The following BRMS1L variants were observed in gnomAD, a reference collection of about 807,000 sequenced individuals.
BRMS1L encodes the protein breast cancer metastasis-suppressor 1-like protein.
In BRMS1L, 23 loss-of-function variants were observed where a neutral mutation model predicts 50.3. The observed-to-expected ratio is 0.46, with a 90% CI of 0.33 to 0.65. The LOEUF (loss-of-function observed/expected upper bound fraction) is 0.65. Among genes scored for constraint, BRMS1L ranks in the 30% least tolerant of loss-of-function variants. BRMS1L has a pLI of 0.02. For missense variants in BRMS1L, 286 were observed against 386.1 expected, an observed-to-expected ratio of 0.74 and a Z score of 2.17; for synonymous variants, 114 against 126.9, an observed-to-expected ratio of 0.90 and a Z score of 0.69.
intron 4 of BRMS1L, among the ~76,000 whole-genome samples, chr14:35,851,937 C>T (rs141536706): frequency 1.6e-4 from 24 of 152,276 alleles, no homozygotes; most frequent in Admixed American, 6.5e-4. Context: ...TGTTGAAGAT[C>T]GCTTGACTAT....
At chr14:35,838,681 A>G (rs2078023802) in intron 4 of BRMS1L, among the ~76,000 whole-genome samples, 1 of 152,114 alleles carries the variant, frequency 6.6e-6, no homozygotes, top group Non-Finnish European at 1.5e-5. Context: ...TCTTTTGAGA[A>G]GTGTCTGTTC....
chr14:35,837,308 T>G (rs1265490749), intron 4 of BRMS1L, among the ~76,000 whole-genome samples: 1 of 152,116 alleles, frequency 6.6e-6, no homozygotes, highest in African/African-American at 2.4e-5. Context: ...TGTATATGGA[T>G]AGGTAATGTC....
At chr14:35,852,341 G>A (rs2078222040) in intron 4 of BRMS1L, among the ~76,000 whole-genome samples, 1 of 152,162 alleles carries the variant, frequency 6.6e-6, no homozygotes, top group Non-Finnish European at 1.5e-5. Flanking sequence ...AAGTATAATA[G>A]TTGGAATTAC....
intron 1 of BRMS1L, among the ~76,000 whole-genome samples, chr14:35,828,829 C>T (rs190092174): frequency 2.2e-4 from 33 of 152,282 alleles, no homozygotes; most frequent in Non-Finnish European, 4.0e-4. Flanking sequence ...GACATTGGAA[C>T]CTGCCCGATA....
At chr14:35,851,383 CAAAA>C (rs35957897) in intron 4 of BRMS1L, among the ~76,000 whole-genome samples, 5 of 83,960 alleles carry the variant, frequency 6.0e-5, no homozygotes, top group Non-Finnish European at 1.3e-4. Flanking sequence ...AAAAGCATGC[CAAAA>C]AAAAAAAAAG....
intron 6 of BRMS1L, 100 bp from the exon 7 acceptor site, chr14:35,864,835 A>G: frequency 5.9e-6 from 5 of 853,548 alleles, no homozygotes; most frequent in Non-Finnish European, 5.6e-6. Context: ...CCAAAGCATT[A>G]TGCTCATAAA....
chr14:35,847,362 G>A (rs1454566915), intron 4 of BRMS1L, among the ~76,000 whole-genome samples: 1 of 152,020 alleles, frequency 6.6e-6, no homozygotes, highest in Non-Finnish European at 1.5e-5. Context: ...GAGTGCAGTG[G>A]CATGACCTAG....
At chr14:35,865,149 AG>A (rs1248955572) in intron 7 of BRMS1L, 150 bp downstream of exon 7, 19 of 520,834 alleles carry the variant, frequency 3.6e-5, no homozygotes, top group Admixed American at 2.4e-4. Flanking sequence ...TATTACAGAT[AG>A]CAGTGAACTA....
intron 4 of BRMS1L, among the ~76,000 whole-genome samples, chr14:35,851,940 T>C (rs1595670373): frequency 6.6e-6 from 1 of 152,266 alleles, no homozygotes; most frequent in Non-Finnish European, 1.5e-5. Flanking sequence ...TGAAGATCGC[T>C]TGACTATACA....
At chr14:35,840,555 T>G (rs1250271857) in intron 4 of BRMS1L, among the ~76,000 whole-genome samples, 2 of 152,244 alleles carry the variant, frequency 1.3e-5, no homozygotes, top group Admixed American at 1.3e-4. Flanking sequence ...GAACTTGTTA[T>G]TGGTCTATTC....
chr14:35,829,221 C>T (rs1028852484), intron 1 of BRMS1L, among the ~76,000 whole-genome samples: 1 of 152,104 alleles, frequency 6.6e-6, no homozygotes, highest in African/African-American at 2.4e-5. Context: ...GGATTACAGG[C>T]GGGAGCCACT....
intron 4 of BRMS1L, among the ~76,000 whole-genome samples, chr14:35,841,789 C>T (rs2078067307): frequency 6.6e-6 from 1 of 152,128 alleles, no homozygotes; most frequent in Non-Finnish European, 1.5e-5. Flanking sequence ...TAAAGTCTCT[C>T]ACTATTACTG....
rs1027669274 is a variant in BRMS1L, at chr14:35,871,379, C to T, written c.*902C>T. 2 of 152,594 alleles carry T rather than the reference C, an allele frequency of 1.3e-5. No homozygotes were observed. The highest frequency in any genetic ancestry group is 6.5e-5 in the Admixed American group (1 of 15,268). The allele number at this position is 152,594 out of a possible 1,614,324, so 9.5% of individuals were successfully genotyped here. A position where few individuals can be genotyped will look rare whatever the true frequency, so the allele number is the denominator to read the frequency against. ...AGGGCAAAGTAGACAGGGATTATTTCCTTGAATCTATTTCCAAATTAATAT... is the reference window on the plus strand; with the variant it reads ...AGGGCAAAGTAGACAGGGATTATTTTCTTGAATCTATTTCCAAATTAATAT... On this transcript the variant is annotated 3_prime_UTR_variant, in exon 10 of 10. Transcript: ENST00000216807.
chr14:35,830,980 A>C (rs1204682185), intron 1 of BRMS1L, among the ~76,000 whole-genome samples: 2 of 142,842 alleles, frequency 1.4e-5, no homozygotes, highest in Admixed American at 1.5e-4. Flanking sequence ...TCACTCTGTC[A>C]CCCAGGGTGG....
At chr14:35,828,349 T>A (rs1027545099) in intron 1 of BRMS1L, among the ~76,000 whole-genome samples, 1 of 150,982 alleles carries the variant, frequency 6.6e-6, no homozygotes, top group Non-Finnish European at 1.5e-5. Context: ...ATTTTTTGTA[T>A]TTTTAGTAGA....
rs527454270 is a variant in BRMS1L, at chr14:35,840,780, T to C, written c.441+5857T>C. 3.6e-3 allele frequency among the ~76,000 whole-genome samples: 539 copies of C among 151,616 alleles called. 3 individuals carry two copies. Among genetic ancestry groups the C allele is most frequent in the Non-Finnish European group, 6.6e-3 (445 of 67,650 alleles). ...TTTTCTTCTTTATTAGTCTGGCTAG[T>C]GGTCTATCTAAAACCAGCTCCTGGA... On this transcript the variant is annotated intron_variant, in intron 4 of 9. Coordinates refer to ENST00000216807, the MANE Select transcript of BRMS1L (RefSeq NM_032352.4).
chr14:35,835,089 A>G (rs1271412404), intron 4 of BRMS1L, among the ~76,000 whole-genome samples, 166 bp downstream of exon 4: 2 of 152,044 alleles, frequency 1.3e-5, no homozygotes, highest in African/African-American at 2.4e-5. Flanking sequence ...TGGAAGCTGT[A>G]TTGGAGATAG....
chr14:35,857,587 C>G (rs1460349178), intron 4 of BRMS1L, among the ~76,000 whole-genome samples: 14 of 152,130 alleles, frequency 9.2e-5, no homozygotes, highest in Admixed American at 3.3e-4. Context: ...TCCCAAAGTG[C>G]TGGAATTATA....
At chr14:35,847,048 C>T (rs2142048946) in intron 4 of BRMS1L, among the ~76,000 whole-genome samples, 1 of 151,668 alleles carries the variant, frequency 6.6e-6, no homozygotes, top group South Asian at 2.1e-4. Context: ...GATCATAGCT[C>T]ACTGCAACAT....
Sources: allele counts gnomAD v4.1 joint callset (sites outside exome capture counted in the v4.1 genomes callset), GRCh38; gene constraint gnomAD v4.1.1; transcripts MANE v1.5; gene names NCBI Gene and HGNC (gene_info 2026-07-23, HGNC 2026-07-21).